Variants in FHIT observed in about 807,000 individuals in gnomAD.
FHIT encodes bis(5'-adenosyl)-triphosphatase.
FHIT carries 19 observed loss-of-function variants against 17.9 expected under a neutral mutation model. The ratio of observed to expected loss-of-function variants is 1.06; its 90% CI spans 0.74 to 1.56. The LOEUF is 1.56. FHIT is among the 40% of genes most tolerant of loss of function. FHIT has a pLI of 0.00. For synonymous variants in FHIT, 81 were observed against 69.7 expected (o/e 1.16, Z -0.81); for missense variants, 248 against 189.2 (o/e 1.31, Z -1.82).
At chr3:60,302,402 C>A (rs902500372) in intron 5 of FHIT, among the ~76,000 whole-genome samples, 2 of 152,018 alleles carry the variant, frequency 1.3e-5, no homozygotes, top group Admixed American at 6.6e-5. Flanking sequence ...TTTCTCCTAT[C>A]TTAGGGCCTC....
At chr3:60,719,061 T>G (rs1255414574) in intron 4 of FHIT, among the ~76,000 whole-genome samples, 3 of 152,202 alleles carry the variant, frequency 2.0e-5, no homozygotes, top group Admixed American at 6.5e-5. Flanking sequence ...GGTGAAGGCA[T>G]GCCCAACAGC....
At chr3:60,284,771 G>A (rs1486785074) in intron 5 of FHIT, among the ~76,000 whole-genome samples, 1 of 152,036 alleles carries the variant, frequency 6.6e-6, no homozygotes, top group Non-Finnish European at 1.5e-5. Flanking sequence ...TAACAAAAAT[G>A]ATCAAAAACT....
rs1430401669 is a variant in FHIT at position 60,245,388 on chromosome 3, C to A, written c.104-231236G>T. On this transcript the variant is annotated intron_variant, in intron 5 of 9. Transcript: ENST00000492590. ...AGGAGGCTAGAAATGTTCTTAGAATCAGATGATCCCTTCAAAGTTCTAAAC... is the reference window on the plus strand; with the variant it reads ...AGGAGGCTAGAAATGTTCTTAGAATAAGATGATCCCTTCAAAGTTCTAAAC... Among the ~76,000 whole-genome samples the A allele has an allele frequency of 3.3e-5, 5 of 151,992 alleles. No individual in the cohort carries two copies. In the South Asian group the frequency reaches 8.3e-4, roughly 25 times the overall value.
chr3:60,351,902 T>C (rs114177718), intron 5 of FHIT, among the ~76,000 whole-genome samples: 1,537 of 152,306 alleles, frequency 0.01, 10 homozygotes, highest in Non-Finnish European at 0.016. Flanking sequence ...AAGATTTAAT[T>C]AGCTAGCTCT....
At chr3:61,111,600 T>C (rs756531595) in intron 2 of FHIT, among the ~76,000 whole-genome samples, 29 of 152,204 alleles carry the variant, frequency 1.9e-4, no homozygotes, top group Non-Finnish European at 4.0e-4. Flanking sequence ...TTGTAAGGAC[T>C]TACTAAAGCA....
intron 2 of FHIT, among the ~76,000 whole-genome samples, chr3:61,043,128 T>C (rs768887709): frequency 9.9e-5 from 15 of 152,078 alleles, no homozygotes; most frequent in Admixed American, 3.9e-4. Context: ...GTGCACCCCA[T>C]GGAGTGTGAG....
At chr3:60,149,062 C>G (rs560595072) in intron 5 of FHIT, among the ~76,000 whole-genome samples, 1 of 152,278 alleles carries the variant, frequency 6.6e-6, no homozygotes, top group African/African-American at 2.4e-5. Flanking sequence ...AAAATAATTT[C>G]CTTTGGACAC....
chr3:60,913,254 T>C (rs1706835071), intron 3 of FHIT, among the ~76,000 whole-genome samples: 1 of 152,202 alleles, frequency 6.6e-6, no homozygotes, highest in Admixed American at 6.5e-5. Context: ...AATATACAGA[T>C]GAATGAGCCA....
At chr3:59,989,731 T>C (rs1709144269) in intron 7 of FHIT, among the ~76,000 whole-genome samples, 1 of 152,034 alleles carries the variant, frequency 6.6e-6, no homozygotes, top group African/African-American at 2.4e-5. Flanking sequence ...TGAAGCTTCC[T>C]CCCCATCACC....
intron 5 of FHIT, among the ~76,000 whole-genome samples, chr3:60,368,337 T>C (rs551051935): frequency 6.6e-6 from 1 of 152,168 alleles, no homozygotes; most frequent in South Asian, 2.1e-4. Flanking sequence ...TTCAAGTGGA[T>C]CTACAGTGGT....
intron 5 of FHIT, among the ~76,000 whole-genome samples, chr3:60,462,006 A>T (rs949326990): frequency 2.6e-5 from 4 of 152,166 alleles, no homozygotes; most frequent in African/African-American, 7.2e-5. Flanking sequence ...CCGAGGTTGA[A>T]GTCTTCAGTT....
chr3:61,202,920 C>G (rs1287286399), intron 1 of FHIT, among the ~76,000 whole-genome samples: 1 of 152,082 alleles, frequency 6.6e-6, no homozygotes, highest in Non-Finnish European at 1.5e-5. Flanking sequence ...GTGGCTCACT[C>G]CTGTAATCCC....
At chr3:60,730,198 AT>A in intron 4 of FHIT, 1 of 348,556 alleles carries the variant, frequency 2.9e-6, no homozygotes. Context: ...CCTCTCCCAG[AT>A]TTTCGTGTAT....
intron 3 of FHIT, among the ~76,000 whole-genome samples, chr3:60,859,928 C>G (rs1703568458): frequency 6.7e-6 from 1 of 149,982 alleles, no homozygotes; most frequent in South Asian, 2.1e-4. Flanking sequence ...CCTGTAATCC[C>G]AGCTACTGGG....
intron 4 of FHIT, among the ~76,000 whole-genome samples, chr3:60,647,190 C>T (rs1479543615): frequency 5.3e-5 from 8 of 152,174 alleles, no homozygotes. Context: ...TCTTTACTTG[C>T]TTTAGCGTGA....
At chr3:59,865,811 C>T (rs1168321460) in intron 8 of FHIT, among the ~76,000 whole-genome samples, 1 of 152,170 alleles carries the variant, frequency 6.6e-6, no homozygotes, top group East Asian at 1.9e-4. Context: ...CAGTCTAGGG[C>T]TACGGTGTTC....
At chr3:60,368,801 G>T (rs1700211012) in intron 5 of FHIT, among the ~76,000 whole-genome samples, 3 of 151,860 alleles carry the variant, frequency 2.0e-5, no homozygotes, top group African/African-American at 7.3e-5. Flanking sequence ...TACAGTTTTT[G>T]CATTTATATT....
chr3:60,767,779 C>T (rs1699905743), intron 4 of FHIT, among the ~76,000 whole-genome samples: 1 of 152,142 alleles, frequency 6.6e-6, no homozygotes. Flanking sequence ...CTATTGCGCC[C>T]CAACAAGAGA....
intron 7 of FHIT, among the ~76,000 whole-genome samples, chr3:59,942,971 C>T (rs1268788478): frequency 6.6e-6 from 1 of 152,098 alleles, no homozygotes; most frequent in East Asian, 1.9e-4. Flanking sequence ...ATAGGAGTCT[C>T]TAGGTTGTTC....
Sources: allele counts gnomAD v4.1 joint callset (sites outside exome capture counted in the v4.1 genomes callset), GRCh38; gene constraint gnomAD v4.1.1; transcripts MANE v1.5; gene names NCBI Gene and HGNC (gene_info 2026-07-23, HGNC 2026-07-21).